TBC1D32: variants seen among roughly 807,000 people sequenced by gnomAD.
TBC1D32 encodes the protein protein broad-minded.
In TBC1D32, 151 loss-of-function variants were observed where a neutral mutation model predicts 170.3. The observed-to-expected ratio is 0.89, with a 90% CI of 0.78 to 1.01. The LOEUF (loss-of-function observed/expected upper bound fraction) is 1.01, where lower values mean the gene tolerates loss of function less well. TBC1D32 is among the 50% of genes least tolerant of loss of function. TBC1D32 has a pLI of 0.00. For missense variants in TBC1D32, 1,464 were observed against 1,457.1 expected (o/e 1.00, Z -0.08); for synonymous variants, 498 against 488.0 (o/e 1.02, Z -0.27).
rs181103183 is a variant in TBC1D32 at position 121,299,910 on chromosome 6, G to A, written c.1081-405C>T. On this transcript the variant is annotated intron_variant, in intron 9 of 31. Transcript: ENST00000398212. ...CTGTACGGTCTACATGTGCAGAAAT[G>A]TGCCAACACTGAAATGCTCCAAAGT... 9.8e-4 allele frequency among the ~76,000 whole-genome samples: 149 copies of A among 152,264 alleles called. 1 individual carries two copies. The highest frequency in any genetic ancestry group is 3.4e-3 in the African/African-American group (141 of 41,558).
chr6:121,141,619 A>T (rs1223352168), intron 24 of TBC1D32, among the ~76,000 whole-genome samples: 2 of 152,060 alleles, frequency 1.3e-5, no homozygotes, highest in African/African-American at 4.8e-5. Flanking sequence ...TTAGATCAAA[A>T]GGTCAGATGA....
intron 26 of TBC1D32, among the ~76,000 whole-genome samples, chr6:121,122,138 C>T (rs1780332288): frequency 6.6e-6 from 1 of 151,966 alleles, no homozygotes; most frequent in East Asian, 1.9e-4. Context: ...TTCTTTCTCT[C>T]ATACCCCACA....
At chr6:121,189,386 C>G (rs1349508368) in intron 22 of TBC1D32, among the ~76,000 whole-genome samples, 1 of 151,644 alleles carries the variant, frequency 6.6e-6, no homozygotes, top group African/African-American at 2.4e-5. Context: ...GCATTTCCAA[C>G]AGATAATATA....
rs2128293915 is a variant in TBC1D32 at position 121,196,873 on chromosome 6, G to A, written c.2570+8202C>T. On this transcript the variant is annotated intron_variant, in intron 22 of 31. Transcript: ENST00000398212. ...AGGATTCATGATTCCAGGAATTAAG[G>A]AGTAGAAGTGGAGGTAGCACCACTC... is the stretch of plus-strand genomic sequence containing the variant. Among the ~76,000 whole-genome samples, 3 of 152,242 alleles carry A rather than the reference G, an allele frequency of 2.0e-5. No individual in the cohort carries two copies. The South Asian group carries it at 6.2e-4, about 32-fold the overall frequency.
chr6:121,169,722 G>A (rs1329329993), intron 22 of TBC1D32, among the ~76,000 whole-genome samples: 1 of 152,072 alleles, frequency 6.6e-6, no homozygotes, highest in Admixed American at 6.6e-5. Context: ...AAAACCTAGA[G>A]TATCAAGTAA....
chr6:121,121,080 T>C (rs963421145), intron 26 of TBC1D32, among the ~76,000 whole-genome samples: 10 of 152,004 alleles, frequency 6.6e-5, no homozygotes, highest in African/African-American at 2.4e-4. Flanking sequence ...ATATTGAAGA[T>C]ACAAAGGAGT....
At chr6:121,199,170 T>C (rs927901372) in intron 22 of TBC1D32, among the ~76,000 whole-genome samples, 10 of 151,358 alleles carry the variant, frequency 6.6e-5, no homozygotes, top group African/African-American at 2.5e-4. Flanking sequence ...AGATTTGTTG[T>C]GGAGCAACAA....
chr6:121,149,279 A>G (rs933779669), intron 24 of TBC1D32, among the ~76,000 whole-genome samples: 2 of 152,030 alleles, frequency 1.3e-5, no homozygotes, highest in African/African-American at 4.8e-5. Flanking sequence ...CCATTTGTCA[A>G]TTTTGGCTTT....
At position 121,087,283 on chromosome 6, in the gene TBC1D32, T is replaced by A. The variant is rs950939204; in HGVS notation, c.3654+3570A>T. Among the ~76,000 whole-genome samples, 6 of 152,356 alleles carry A rather than the reference T, an allele frequency of 3.9e-5. No individual in the cohort carries two copies. The South Asian group carries it at 8.3e-4, about 21-fold the overall frequency. On this transcript the variant is annotated intron_variant, in intron 31 of 31. Transcript: ENST00000398212. ...CTTTCCCCCATAAACCAGTTCTGCC[T>A]ATTAGTGTTCACACCACCTTCTGAT... is the stretch of plus-strand genomic sequence containing the variant.
chr6:121,247,165 T>C (rs1317203387), intron 17 of TBC1D32, among the ~76,000 whole-genome samples: 1 of 152,110 alleles, frequency 6.6e-6, no homozygotes, highest in Non-Finnish European at 1.5e-5. Flanking sequence ...TGGGGTCTTA[T>C]TTATAGCTCC....
chr6:121,181,757 G>A (rs77832600), intron 22 of TBC1D32, among the ~76,000 whole-genome samples: 14 of 152,160 alleles, frequency 9.2e-5, no homozygotes, highest in African/African-American at 1.9e-4. Flanking sequence ...TAAAGAAAAC[G>A]TAATACATTT....
intron 25 of TBC1D32, among the ~76,000 whole-genome samples, chr6:121,128,002 A>T (rs1781033579): frequency 6.6e-6 from 1 of 152,180 alleles, no homozygotes; most frequent in South Asian, 2.1e-4. Flanking sequence ...AGGGAACTAC[A>T]CACAAAATAA....
At position 121,123,038 on chromosome 6, in the gene TBC1D32, C is replaced by T. The variant is rs375393421; in HGVS notation, c.2983+3340G>A. On this transcript the variant is annotated intron_variant, in intron 26 of 31. Coordinates refer to ENST00000398212, the MANE Select transcript of TBC1D32 (RefSeq NM_152730.6). ...ATCACTCTGAGAGCAGTGTAAAGAG[C>T]ACCTTTGAAAAAGAACCAGACTCCA... is the stretch of plus-strand genomic sequence containing the variant. Among the ~76,000 whole-genome samples, 6 of 152,098 alleles carry T rather than the reference C, an allele frequency of 3.9e-5. No homozygotes were observed. In the South Asian group the frequency reaches 1.0e-3, roughly 26 times the overall value.
intron 24 of TBC1D32, among the ~76,000 whole-genome samples, chr6:121,154,327 T>A (rs1425075816): frequency 1.3e-5 from 2 of 152,160 alleles, no homozygotes; most frequent in Non-Finnish European, 2.9e-5. Context: ...TCACCCACTG[T>A]CTAACCAGTC....
rs188218580 is a variant in TBC1D32 at position 121,283,918 on chromosome 6, A to T, written c.1373-8T>A. ...CTATGAGGGATACCAAACCTTTAAAAAGAAAATAAAGAGAAAATTAATTTC... is the reference window on the plus strand; with the variant it reads ...CTATGAGGGATACCAAACCTTTAAATAGAAAATAAAGAGAAAATTAATTTC... On this transcript the variant is annotated splice_polypyrimidine_tract_variant and splice_region_variant and intron_variant, in intron 12 of 31. Transcript: ENST00000398212. The T allele has an allele frequency of 1.3e-6, 2 of 1,544,624 alleles. No homozygotes were observed. Among genetic ancestry groups the T allele is most frequent in the Non-Finnish European group, 1.8e-6 (2 of 1,127,154 alleles).
intron 24 of TBC1D32, among the ~76,000 whole-genome samples, chr6:121,141,171 G>C (rs1437620455): frequency 6.6e-6 from 1 of 152,092 alleles, no homozygotes; most frequent in Non-Finnish European, 1.5e-5. Context: ...AATACTCTTA[G>C]AGAAATAAAC....
At position 121,118,704 on chromosome 6, in the gene TBC1D32, T is replaced by C. The variant is rs186296061; in HGVS notation, c.2984-3463A>G. On this transcript the variant is annotated intron_variant, in intron 26 of 31. Coordinates refer to ENST00000398212, the MANE Select transcript of TBC1D32 (RefSeq NM_152730.6). ...GACTCTCCTAATGCCCTCCCTTACC[T>C]GTCCTAACTTAAGAAAACTCTTACT... Among the ~76,000 whole-genome samples, 629 of 152,282 alleles carry C rather than the reference T, an allele frequency of 4.1e-3. 4 individuals carry two copies. Among genetic ancestry groups the C allele is most frequent in the Admixed American group, 6.8e-3 (104 of 15,288 alleles).
chr6:121,312,391 T>G (rs1808343585), intron 3 of TBC1D32, among the ~76,000 whole-genome samples: 1 of 152,064 alleles, frequency 6.6e-6, no homozygotes, highest in African/African-American at 2.4e-5. Flanking sequence ...ATAAAAAAAG[T>G]CTATTAATTC....
At position 121,321,776 on chromosome 6, in the gene TBC1D32, G is replaced by A; in HGVS notation, c.174C>T (p.Tyr58=). Residue 58 remains tyrosine (Y), a synonymous_variant, in exon 2 of 32, where the codon TAC becomes TAT. Coordinates refer to ENST00000398212, the MANE Select transcript of TBC1D32 (RefSeq NM_152730.6). ...AAGTGTTGCCTATATGCTGCCTGAG[G>A]TATTTCACAAATTCATAGCTGAAAC... ...ENFHNYEFVK[Y]LRQHIGNTLG... 1.2e-6 allele frequency: 2 copies of A among 1,609,312 alleles called. No homozygotes were observed. Among genetic ancestry groups the A allele is most frequent in the Non-Finnish European group, 1.7e-6 (2 of 1,178,466 alleles).
Sources: allele counts gnomAD v4.1 joint callset (sites outside exome capture counted in the v4.1 genomes callset), GRCh38; gene constraint gnomAD v4.1.1; transcripts MANE v1.5; gene names NCBI Gene and HGNC (gene_info 2026-07-23, HGNC 2026-07-21).